Variants in GOLIM4 observed in about 807,000 individuals in gnomAD.
GOLIM4 encodes golgi integral membrane protein 4.
In GOLIM4, 71 loss-of-function variants were observed where a neutral mutation model predicts 107.4. That is an observed-to-expected ratio of 0.66 (90% CI 0.55 to 0.81). The LOEUF is 0.81. GOLIM4 is among the 30% of genes least tolerant of loss of function. The pLI is 0.00. For synonymous variants in GOLIM4, 327 were observed against 294.8 expected (o/e 1.11, Z -1.12); for missense variants, 830 against 826.1 (o/e 1.00, Z -0.06).
Position 168,043,473 on chromosome 3 carries a change from T to C in GOLIM4, c.423A>G (p.Lys141=), listed in dbSNP as rs1260979466. 5 of 1,613,610 alleles carry C rather than the reference T, an allele frequency of 3.1e-6. No homozygotes were observed. Among genetic ancestry groups the C allele is most frequent in the Non-Finnish European group, 4.2e-6 (5 of 1,179,750 alleles). ...ATGTTCTACTGAAGTCTTCCCCTTGTTTGCGATGTTCCTCTTCCAAGTCAC... is the reference window on the plus strand; with the variant it reads ...ATGTTCTACTGAAGTCTTCCCCTTGCTTGCGATGTTCCTCTTCCAAGTCAC... ...QHSDLEEEHR[K]QGEDFSRTFN... is the part of the protein sequence containing the mutation. The change falls in exon 5 of 16, where the codon AAA becomes AAG. Residue 141 remains lysine (K), a synonymous_variant. Transcript: ENST00000470487.
At chr3:168,066,231 GC>G (rs1720538693) in intron 1 of GOLIM4, among the ~76,000 whole-genome samples, 1 of 151,890 alleles carries the variant, frequency 6.6e-6, no homozygotes, top group Admixed American at 6.6e-5. Context: ...TTTGACAGCT[GC>G]AAGTAATTGG....
In GOLIM4 at chr3:168,010,158, C is replaced by A; in HGVS notation, c.*111G>T. Reference sequence around the variant, plus strand: ...TCTAATACAAAAGTTTTAAAAAAGTCTAAGTTCTTAATTTTTGTAATTAAA... The same window carrying A: ...TCTAATACAAAAGTTTTAAAAAAGTATAAGTTCTTAATTTTTGTAATTAAA... On this transcript the variant is annotated 3_prime_UTR_variant, in exon 16 of 16. Coordinates refer to ENST00000470487, the MANE Select transcript of GOLIM4 (RefSeq NM_014498.5). 2 of 979,112 alleles carry A rather than the reference C, an allele frequency of 2.0e-6. No homozygotes were observed. Among genetic ancestry groups the A allele is most frequent in the South Asian group, 2.1e-5 (1 of 47,408 alleles). The allele number at this position is 979,112 out of a possible 1,614,324, so 60.7% of individuals were successfully genotyped here. A position where few individuals can be genotyped will look rare whatever the true frequency, so the allele number is the denominator to read the frequency against.
intron 12 of GOLIM4, among the ~76,000 whole-genome samples, chr3:168,026,108 T>C (rs986042328): frequency 6.6e-6 from 1 of 152,184 alleles, no homozygotes; most frequent in African/African-American, 2.4e-5. Context: ...TTGAACATGT[T>C]TGAGAGTTCA....
intron 1 of GOLIM4, among the ~76,000 whole-genome samples, chr3:168,092,300 G>C (rs1346719355): frequency 2.0e-5 from 3 of 152,214 alleles, no homozygotes; most frequent in Non-Finnish European, 2.9e-5. Context: ...TGATTGCTAA[G>C]AGGGATAGAT....
intron 9 of GOLIM4, among the ~76,000 whole-genome samples, chr3:168,030,920 T>C (rs752867070): frequency 5.3e-5 from 8 of 152,200 alleles, no homozygotes; most frequent in Non-Finnish European, 8.8e-5. Context: ...CTCAGGTTTA[T>C]TGCAGCATTA....
At chr3:168,028,421 C>G (rs551970289) in intron 11 of GOLIM4, among the ~76,000 whole-genome samples, 28 of 152,150 alleles carry the variant, frequency 1.8e-4, no homozygotes, top group African/African-American at 5.5e-4. Flanking sequence ...TGTATGAGCA[C>G]AAAAAGAGAA....
rs1038676517 is a variant in GOLIM4 at position 168,095,634 on chromosome 3, C to T, written c.-349G>A. 1.2e-5 allele frequency: 3 copies of T among 244,034 alleles called. No individual in the cohort carries two copies. Among genetic ancestry groups the T allele is most frequent in the Non-Finnish European group, 2.4e-5 (3 of 126,690 alleles). 15.1% of individuals were successfully genotyped at this position (244,034 alleles called of 1,614,324 possible). A position where few individuals can be genotyped will look rare whatever the true frequency, so the allele number is the denominator to read the frequency against. ...TTTTCCTTCTTCCCACTTTTTGGCC[C>T]CGCTGCCCCCGGGCAGTTCTTGGAG... On this transcript the variant is annotated 5_prime_UTR_variant, in exon 1 of 16. Transcript: ENST00000470487.
At chr3:168,087,159 T>G (rs1721671511) in intron 1 of GOLIM4, among the ~76,000 whole-genome samples, 1 of 152,214 alleles carries the variant, frequency 6.6e-6, no homozygotes, top group African/African-American at 2.4e-5. Flanking sequence ...ATCACTTAAA[T>G]AAGTTTATTT....
At position 168,079,386 on chromosome 3, in the gene GOLIM4, C is replaced by T. The variant is rs147471278; in HGVS notation, c.187+15713G>A. ...AAACAGGTGAAACTAAACCATGGTG[C>T]TTATTCTTTGAGGTTGGAAGACAAT... On this transcript the variant is annotated intron_variant, in intron 1 of 15. Transcript: ENST00000470487. 1.3e-3 allele frequency among the ~76,000 whole-genome samples: 191 copies of T among 152,210 alleles called. No individual in the cohort carries two copies. In the East Asian group the frequency reaches 0.013, roughly 10 times the overall value.
At chr3:168,065,636 A>G (rs1201933509) in intron 1 of GOLIM4, among the ~76,000 whole-genome samples, 1 of 152,182 alleles carries the variant, frequency 6.6e-6, no homozygotes, top group Non-Finnish European at 1.5e-5. Flanking sequence ...TGTCTTGTAT[A>G]TGACTTTCCA....
At chr3:168,042,713 G>C (rs1437320358) in intron 5 of GOLIM4, among the ~76,000 whole-genome samples, 2 of 152,220 alleles carry the variant, frequency 1.3e-5, no homozygotes, top group Non-Finnish European at 2.9e-5. Context: ...ATATTACTAT[G>C]AAAATACCTG....
chr3:168,033,932 G>C (rs1427513444), intron 8 of GOLIM4, among the ~76,000 whole-genome samples: 1 of 152,102 alleles, frequency 6.6e-6, no homozygotes, highest in African/African-American at 2.4e-5. Flanking sequence ...AGAGAATATA[G>C]TATATCAACA....
At chr3:168,019,693 A>G (rs1717576696) in intron 14 of GOLIM4, among the ~76,000 whole-genome samples, 1 of 152,318 alleles carries the variant, frequency 6.6e-6, no homozygotes, top group Admixed American at 6.5e-5. Context: ...AGTTAGCATA[A>G]AAGTTTGAAT....
chr3:168,033,333 C>T (rs1214759990), intron 8 of GOLIM4, among the ~76,000 whole-genome samples: 5 of 151,942 alleles, frequency 3.3e-5, no homozygotes, highest in African/African-American at 1.2e-4. Context: ...TGGCCGGGCG[C>T]GGTGGCTCAC....
chr3:168,020,020 C>T (rs1717595621), intron 14 of GOLIM4, among the ~76,000 whole-genome samples: 1 of 152,114 alleles, frequency 6.6e-6, no homozygotes. Flanking sequence ...TAAAGAACTT[C>T]CCCACATCAA....
At chr3:168,025,766 T>G (rs898427646) in intron 12 of GOLIM4, among the ~76,000 whole-genome samples, 1 of 152,216 alleles carries the variant, frequency 6.6e-6, no homozygotes, top group African/African-American at 2.4e-5. Flanking sequence ...TAGGGCAATA[T>G]ATTATGAAAA....
intron 1 of GOLIM4, among the ~76,000 whole-genome samples, chr3:168,073,039 A>T (rs1720912689): frequency 6.6e-6 from 1 of 152,246 alleles, no homozygotes. Context: ...TTGCTAAAAA[A>T]ATATGGTTGC....
In GOLIM4 at chr3:168,009,587, G is replaced by C. The variant is rs991800791; in HGVS notation, c.*682C>G. The C allele has an allele frequency of 6.6e-6, 1 of 152,142 alleles. No individual in the cohort carries two copies. Among genetic ancestry groups the C allele is most frequent in the African/African-American group, 2.4e-5 (1 of 41,412 alleles). 9.4% of individuals were successfully genotyped at this position (152,142 alleles called of 1,614,324 possible). On this transcript the variant is annotated 3_prime_UTR_variant, in exon 16 of 16. Transcript: ENST00000470487. ...CACTGCAATACCTGATTAAGACCAG[G>C]ATACTGCCACATGAGTTTTAATACT... is the stretch of plus-strand genomic sequence containing the variant.
At chr3:168,059,761 A>T (rs952922705) in intron 1 of GOLIM4, among the ~76,000 whole-genome samples, 6 of 152,194 alleles carry the variant, frequency 3.9e-5, no homozygotes, top group Non-Finnish European at 8.8e-5. Context: ...AGAATGGGCC[A>T]GGCTGCATTT....
Sources: gnomAD v4.1 joint callset for allele counts (sites outside exome capture counted in the v4.1 genomes callset) on GRCh38, gnomAD v4.1.1 for gene constraint, MANE v1.5 for transcripts, NCBI Gene and HGNC (gene_info 2026-07-23, HGNC 2026-07-21) for gene names.